The following KRT20 variants were observed in gnomAD, a reference collection of about 807,000 sequenced individuals.
KRT20 encodes the protein keratin, type I cytoskeletal 20.
Under a neutral mutation model 43.0 loss-of-function variants are expected in KRT20, and 41 were observed. The ratio of observed to expected loss-of-function variants is 0.95; its 90% confidence interval spans 0.74 to 1.24. The LOEUF (loss-of-function observed/expected upper bound fraction) is 1.24, where lower values mean the gene tolerates loss of function less well. KRT20 is among the 50% of genes most tolerant of loss of function. The probability of loss-of-function intolerance (pLI) is 0.00; values close to 1 mark genes in which losing one functional copy is unlikely to be tolerated. For synonymous variants in KRT20, 207 were observed against 200.6 expected (o/e 1.03, Z -0.27); for missense variants, 533 against 521.2 (o/e 1.02, Z -0.22).
At chr17:40,884,391 G>A (rs1005519928) in intron 1 of KRT20, among the ~76,000 whole-genome samples, 7 of 152,174 alleles carry the variant, frequency 4.6e-5, no homozygotes, top group Admixed American at 1.3e-4. Context: ...AATAAAAGGA[G>A]AAAAGTCTTT....
At chr17:40,880,574 A>G (rs1428818222) in intron 3 of KRT20, 40 bp downstream of exon 3, 4 of 1,571,500 alleles carry the variant, frequency 2.5e-6, no homozygotes. Flanking sequence ...ATATAGAACC[A>G]TTCCATTGTT....
At chr17:40,884,158 A>G (rs1907711218) in intron 1 of KRT20, among the ~76,000 whole-genome samples, 1 of 152,152 alleles carries the variant, frequency 6.6e-6, no homozygotes, top group African/African-American at 2.4e-5. Flanking sequence ...GGAGGTTGTG[A>G]TATGATTGTA....
chr17:40,885,170 T>C lies in KRT20; in HGVS notation c.16A>G (p.Arg6Gly). Residue 6 changes from arginine (R) to glycine (G), a missense_variant, in exon 1 of 8, where the codon AGA (arginine) becomes GGA (glycine). Transcript: ENST00000167588. The stretch of plus-strand genomic sequence containing the variant: ...GAGCTCAGGCTTCTGTGGAAGCTTC[T>C]GCGACTGAAATCCATTGGAGATTCC... MDFSR[R>G]SFHRSLSSSL... is the part of the protein sequence containing the mutation. The C allele has an allele frequency of 6.2e-7, 1 of 1,602,066 alleles. No homozygotes were observed. The highest frequency in any genetic ancestry group is 8.5e-7 in the Non-Finnish European group (1 of 1,174,948).
chr17:40,879,846 G>A lies in KRT20; in HGVS notation c.885C>T (p.Ser295=), dbSNP rs781768471. The A allele has an allele frequency of 1.9e-6, 3 of 1,612,974 alleles. No individual in the cohort carries two copies. The part of the protein sequence containing the change: ...QLTELRRTSQ[S]LEIELQSHLS... The stretch of plus-strand genomic sequence containing the variant: ...GATGGGACTGGAGTTCTATCTCAAG[G>A]CTCTGGGAGGTGCGTCTCAGCTCCG... Residue 295 remains serine (S), a synonymous_variant, in exon 5 of 8, where the codon AGC becomes AGT. Transcript: ENST00000167588.
rs1907554450 is a variant in KRT20 at position 40,880,625 on chromosome 17, C to T, written c.619G>A (p.Glu207Lys). The T allele has an allele frequency of 1.2e-6, 2 of 1,613,320 alleles. No individual in the cohort carries two copies. Among genetic ancestry groups the T allele is most frequent in the African/African-American group, 2.7e-5 (2 of 75,024 alleles). The change falls in exon 3 of 8, where the codon GAG (glutamate) becomes AAG (lysine). Residue 207 changes from glutamate to lysine, a missense_variant. Transcript: ENST00000167588. ...GAATATTTTCTCACCTCCTGATGCT[C>T]CTTTTTGAGGAGAGCTAGGTCTTTA... is the stretch of plus-strand genomic sequence containing the variant. ...LNKDLALLKK[E>K]HQEEVDGLHK...
rs1907345981 is a variant in KRT20 at position 40,876,362 on chromosome 17, T to C, written c.1274A>G (p.Ter425=). ...GCAGCATCTCCTTCTGGTAGCTATT[T>C]AGATATTTTCTTCCACCTCTTTGAC... ...SEVKEVEENI[*] Residue 425 remains the stop codon, a stop_retained_variant, in exon 8 of 8, where the codon TAA becomes TGA. Coordinates refer to ENST00000167588, the MANE Select transcript of KRT20 (RefSeq NM_019010.3). 6 of 1,595,728 alleles carry C rather than the reference T, an allele frequency of 3.8e-6. No individual in the cohort carries two copies. Among genetic ancestry groups the C allele is most frequent in the Non-Finnish European group, 5.2e-6 (6 of 1,163,508 alleles).
intron 7 of KRT20, 134 bp from the exon 8 acceptor site, chr17:40,876,592 C>A: frequency 2.1e-6 from 1 of 481,848 alleles, no homozygotes; most frequent in Non-Finnish European, 3.5e-6. Context: ...TCCTCTTTCT[C>A]AAAAAATCTT....
In KRT20 at chr17:40,880,017, A is replaced by G. The variant is rs989091651; in HGVS notation, c.793-79T>C. On this transcript the variant is annotated intron_variant, in intron 4 of 7. Transcript: ENST00000167588. ...AAGACAGAAAGAGAAAGGAAGAATG[A>G]ACAAATGAAAAAGAAAATGAGTTAT... The G allele has an allele frequency of 4.4e-6, 7 of 1,596,216 alleles. No individual in the cohort carries two copies. In the African/African-American group the frequency reaches 9.5e-5, roughly 22 times the overall value.
chr17:40,878,566 G>C (rs1452829467), intron 5 of KRT20, among the ~76,000 whole-genome samples: 1 of 152,086 alleles, frequency 6.6e-6, no homozygotes, highest in African/African-American at 2.4e-5. Flanking sequence ...GTTTTTCTTT[G>C]CTTGTAGCTT....
intron 6 of KRT20, 41 bp from the exon 7 acceptor site, chr17:40,877,458 A>C: frequency 7.6e-7 from 1 of 1,311,550 alleles, no homozygotes. Context: ...AAGAAACAGA[A>C]AAAAGCATTA....
Position 40,884,815 on chromosome 17 carries a change from A to T in KRT20, c.371T>A (p.Ile124Asn). The T allele has an allele frequency of 2.5e-6, 4 of 1,612,654 alleles. No homozygotes were observed. The highest frequency in any genetic ancestry group is 3.4e-6 in the Non-Finnish European group (4 of 1,178,894). ...TCTCACCTGACTTCGCAGCTCTTCA[A>T]TTTGTCTGTAATATGCACTGTAGTC... ...GRDYSAYYRQIEELRSQIKDA... is the reference protein window; with the variant it reads ...GRDYSAYYRQNEELRSQIKDA... Residue 124 changes from isoleucine (I) to asparagine (N), a missense_variant, in exon 1 of 8, where the codon ATT becomes AAT. Transcript: ENST00000167588.
chr17:40,881,955 C>T (rs965809546), intron 2 of KRT20, among the ~76,000 whole-genome samples: 5 of 151,060 alleles, frequency 3.3e-5, no homozygotes, highest in South Asian at 4.2e-4. Context: ...TCACTGAAAC[C>T]TCCGCCTCCC....
chr17:40,880,492 T>C, intron 3 of KRT20, 122 bp downstream of exon 3: 5 of 868,648 alleles, frequency 5.8e-6, no homozygotes, highest in Non-Finnish European at 8.8e-6. Flanking sequence ...GTCATCGTCA[T>C]CATCTCTGTC....
At chr17:40,883,132 A>G (rs1180211799) in intron 1 of KRT20, among the ~76,000 whole-genome samples, 1 of 152,250 alleles carries the variant, frequency 6.6e-6, no homozygotes, top group South Asian at 2.1e-4. Flanking sequence ...TATAGAAAAA[A>G]TAATGACATA....
At chr17:40,878,018 A>C (rs1303681743) in intron 6 of KRT20, 127 bp downstream of exon 6, 2 of 790,230 alleles carry the variant, frequency 2.5e-6, no homozygotes, top group Non-Finnish European at 4.2e-6. Context: ...GTTCGTGGTG[A>C]GGCATGTGTG....
rs189056319 is a variant in KRT20 at position 40,884,868 on chromosome 17, G to C, written c.318C>G (p.Tyr106Ter). ...GACCAGCCCTCGGGGCGTTGGTTTC[G>C]TACCACTGCTTGATTTGCACTTCAA... ...SKLEVQIKQW[Y>*]ETNAPRAGRD... The change falls in exon 1 of 8, where the codon TAC (tyrosine) becomes TAG (stop). Residue 106 changes from tyrosine to a stop codon, truncating the protein, a stop_gained. Transcript: ENST00000167588. LOFTEE classifies it high-confidence loss of function. 7 of 1,614,200 alleles carry C rather than the reference G, an allele frequency of 4.3e-6. No individual in the cohort carries two copies. Among genetic ancestry groups the C allele is most frequent in the South Asian group, 2.2e-5 (2 of 91,084 alleles).
chr17:40,884,769 G>A (rs1487468952), intron 1 of KRT20, 27 bp downstream of exon 1: 2 of 1,595,596 alleles, frequency 1.3e-6, no homozygotes, highest in East Asian at 2.2e-5. Context: ...TAAACACAGA[G>A]TAGGAAACAC....
chr17:40,880,606 T>G lies in KRT20; in HGVS notation c.630+8A>C. On this transcript the variant is annotated splice_region_variant and intron_variant, in intron 3 of 7. Transcript: ENST00000167588. ...TGTTTCCAATACCACTTCTGAATAT[T>G]TTCTCACCTCCTGATGCTCCTTTTT... The G allele has an allele frequency of 6.2e-7, 1 of 1,611,208 alleles. No individual in the cohort carries two copies. The highest frequency in any genetic ancestry group is 8.5e-7 in the Non-Finnish European group (1 of 1,178,496).
chr17:40,879,834 T>G lies in KRT20; in HGVS notation c.897A>C (p.Glu299Asp), dbSNP rs374877962. Residue 299 changes from glutamate to aspartate, a missense_variant, in exon 5 of 8, where the codon GAA (glutamate) becomes GAC (aspartate). Coordinates refer to ENST00000167588, the MANE Select transcript of KRT20 (RefSeq NM_019010.3). ...TTACCATGCTGAGATGGGACTGGAGTTCTATCTCAAGGCTCTGGGAGGTGC... is the reference window on the plus strand; with the variant it reads ...TTACCATGCTGAGATGGGACTGGAGGTCTATCTCAAGGCTCTGGGAGGTGC... ...LRRTSQSLEI[E>D]LQSHLSMKES... is the part of the protein sequence containing the mutation. The G allele has an allele frequency of 1.9e-6, 3 of 1,611,554 alleles. No individual in the cohort carries two copies. Among genetic ancestry groups the G allele is most frequent in the Non-Finnish European group, 1.7e-6 (2 of 1,179,442 alleles).
Sources: gnomAD v4.1 joint callset for allele counts (sites outside exome capture counted in the v4.1 genomes callset) on GRCh38, gnomAD v4.1.1 for gene constraint, MANE v1.5 for transcripts, NCBI Gene and HGNC (gene_info 2026-07-23, HGNC 2026-07-21) for gene names.